Variants in ROBO1 observed in about 807,000 individuals in gnomAD.
The protein encoded by ROBO1 is roundabout guidance receptor 1, also known as roundabout homolog 1.
Under a neutral mutation model 195.9 loss-of-function variants are expected in ROBO1, and 149 were observed. That is an observed-to-expected ratio of 0.76 (90% CI 0.67 to 0.87). The LOEUF (loss-of-function observed/expected upper bound fraction) is 0.87, where lower values mean the gene tolerates loss of function less well. ROBO1 is among the 40% of genes least tolerant of loss of function. The pLI is 0.00. For missense variants in ROBO1, 1,933 were observed against 2,068.3 expected, an observed-to-expected ratio of 0.93 and a Z score of 1.27; for synonymous variants, 816 against 733.2, an observed-to-expected ratio of 1.11 and a Z score of -1.82.
intron 1 of ROBO1, among the ~76,000 whole-genome samples, chr3:79,677,704 G>A (rs1946827369): frequency 6.6e-6 from 1 of 152,074 alleles, no homozygotes; most frequent in African/African-American, 2.4e-5. Flanking sequence ...GGCCAAAGGT[G>A]ACCTGCAGGC....
chr3:79,757,550 A>G (rs1704474311), intron 1 of ROBO1, among the ~76,000 whole-genome samples: 1 of 149,272 alleles, frequency 6.7e-6, no homozygotes, highest in South Asian at 2.1e-4. Flanking sequence ...AGAGTGATTC[A>G]CACTTGTAAT....
chr3:79,166,920 A>C (rs2081078063), intron 2 of ROBO1, among the ~76,000 whole-genome samples: 1 of 152,178 alleles, frequency 6.6e-6, no homozygotes, highest in African/African-American at 2.4e-5. Flanking sequence ...GGATAGAGGA[A>C]TAATATTCCA....
intron 3 of ROBO1, among the ~76,000 whole-genome samples, chr3:78,996,340 C>CAAAAAAAAAAAAAA (rs5850409): frequency 1.3e-5 from 2 of 148,226 alleles, no homozygotes; most frequent in Non-Finnish European, 1.5e-5. Context: ...AAAAAAAAAA[C>CAAAAAAAAAAAAAA]AAAAAAAAAA....
chr3:79,039,517 G>A (rs961200843), intron 3 of ROBO1, among the ~76,000 whole-genome samples: 1 of 152,216 alleles, frequency 6.6e-6, no homozygotes, highest in Admixed American at 6.5e-5. Context: ...CTGTCTTGTG[G>A]CTGAGCGCTG....
intron 3 of ROBO1, among the ~76,000 whole-genome samples, chr3:79,002,635 T>C (rs967271302): frequency 2.6e-5 from 4 of 152,078 alleles, no homozygotes; most frequent in Non-Finnish European, 2.9e-5. Flanking sequence ...AACCACCACA[T>C]TACTCCATAA....
intron 26 of ROBO1, among the ~76,000 whole-genome samples, chr3:78,618,596 G>T (rs1704265134): frequency 6.6e-6 from 1 of 151,456 alleles, no homozygotes; most frequent in African/African-American, 2.4e-5. Flanking sequence ...ATTTCCTTTA[G>T]ATTTTATTCT....
intron 3 of ROBO1, among the ~76,000 whole-genome samples, chr3:78,974,907 G>A (rs2076852273): frequency 6.6e-6 from 1 of 152,032 alleles, no homozygotes; most frequent in Non-Finnish European, 1.5e-5. Context: ...GGTTGCTCAA[G>A]GTAAAATTCT....
chr3:78,759,933 G>A (rs1020096345), intron 4 of ROBO1, among the ~76,000 whole-genome samples: 1 of 152,150 alleles, frequency 6.6e-6, no homozygotes, highest in Non-Finnish European at 1.5e-5. Context: ...GATATCTATG[G>A]AGAGTGAGAA....
At chr3:79,619,128 C>A (rs1350919151) in intron 1 of ROBO1, among the ~76,000 whole-genome samples, 1 of 152,132 alleles carries the variant, frequency 6.6e-6, no homozygotes, top group African/African-American at 2.4e-5. Flanking sequence ...TCATCATTCA[C>A]CCACATTCCA....
At chr3:79,691,463 TATATATAA>T (rs1947295414) in intron 1 of ROBO1, among the ~76,000 whole-genome samples, 1 of 151,330 alleles carries the variant, frequency 6.6e-6, no homozygotes, top group Non-Finnish European at 1.5e-5. Flanking sequence ...ATCTATATAA[TATATATAA>T]ATATATATGT....
intron 4 of ROBO1, among the ~76,000 whole-genome samples, chr3:78,887,840 C>T (rs774288910): frequency 2.0e-5 from 3 of 152,060 alleles, no homozygotes; most frequent in Non-Finnish European, 4.4e-5. Context: ...AAGTTTTAAG[C>T]CATATCACTG....
At chr3:78,939,047 T>A in intron 3 of ROBO1, 120 bp from the exon 4 acceptor site, 2 of 802,320 alleles carry the variant, frequency 2.5e-6, no homozygotes, top group South Asian at 3.8e-5. Flanking sequence ...CTAGCCTTCC[T>A]ACCCTATTTA....
At chr3:78,607,114 T>C in intron 28 of ROBO1, 73 bp from the exon 29 acceptor site, 4 of 1,406,758 alleles carry the variant, frequency 2.8e-6, no homozygotes, top group East Asian at 2.4e-5. Context: ...TGGATTATCA[T>C]TGGAGCCACA....
chr3:79,607,671 AAATT>A (rs1944532411), intron 1 of ROBO1, among the ~76,000 whole-genome samples: 1 of 150,448 alleles, frequency 6.6e-6, no homozygotes, highest in African/African-American at 2.4e-5. Context: ...AATGCTTCTT[AAATT>A]AATTTTTTCT....
At chr3:78,676,612 G>A (rs1184773145) in intron 10 of ROBO1, among the ~76,000 whole-genome samples, 1 of 151,886 alleles carries the variant, frequency 6.6e-6, no homozygotes, top group Non-Finnish European at 1.5e-5. Context: ...AAGTGAGAAG[G>A]GAAGTTTAGA....
At chr3:79,645,713 T>C (rs575952346) in intron 1 of ROBO1, among the ~76,000 whole-genome samples, 1 of 152,054 alleles carries the variant, frequency 6.6e-6, no homozygotes, top group East Asian at 1.9e-4. Flanking sequence ...ATTACCTGAC[T>C]CCAAAATATG....
intron 3 of ROBO1, chr3:79,018,525 A>G: frequency 6.2e-7 from 1 of 1,604,030 alleles, no homozygotes; most frequent in Non-Finnish European, 8.5e-7. Context: ...TAGGGTCCCC[A>G]AATGTATGAA....
intron 2 of ROBO1, among the ~76,000 whole-genome samples, chr3:79,499,191 C>T (rs1359202508): frequency 3.3e-5 from 5 of 152,070 alleles, no homozygotes; most frequent in South Asian, 2.1e-4. Flanking sequence ...GACGGGGTTT[C>T]GCCATGTTGG....
intron 4 of ROBO1, among the ~76,000 whole-genome samples, chr3:78,903,095 C>T (rs1222061213): frequency 2.0e-5 from 3 of 152,088 alleles, no homozygotes; most frequent in Admixed American, 2.0e-4. Context: ...AACAGAAACA[C>T]AATTCTCTTC....
Sources: allele counts gnomAD v4.1 joint callset (sites outside exome capture counted in the v4.1 genomes callset), GRCh38; gene constraint gnomAD v4.1.1; transcripts MANE v1.5; gene names NCBI Gene and HGNC (gene_info 2026-07-23, HGNC 2026-07-21).